The following YTHDF3 variants were observed in gnomAD, a reference collection of about 807,000 sequenced individuals.
YTHDF3 encodes the protein YTH N6-methyladenosine RNA binding protein F3.
YTHDF3 carries 9 observed loss-of-function variants against 52.5 expected under a neutral mutation model. That is an observed-to-expected ratio of 0.17 (90% CI 0.10 to 0.30). The LOEUF is 0.30. Among genes scored for constraint, YTHDF3 ranks in the 10% least tolerant of loss-of-function variants. The probability of loss-of-function intolerance (pLI) is 1.00; values close to 1 mark genes in which losing one functional copy is unlikely to be tolerated. For synonymous variants in YTHDF3, 274 were observed against 243.3 expected, an observed-to-expected ratio of 1.13 and a Z score of -1.18; for missense variants, 534 against 715.0, an observed-to-expected ratio of 0.75 and a Z score of 2.89.
At position 63,211,320 on chromosome 8, in the gene YTHDF3, C is replaced by G. The variant is rs1810359376; in HGVS notation, c.*1614C>G. The G allele has an allele frequency of 6.6e-6, 1 of 152,278 alleles. No homozygotes were observed. The highest frequency in any genetic ancestry group is 2.4e-5 in the African/African-American group (1 of 41,368). The allele number at this position is 152,278 out of a possible 1,614,324, so 9.4% of individuals were successfully genotyped here. ...TATCAGTGTTTACTGAAGGGAACAT[C>G]AAAATATTAATGGTATATTATAAAA... On this transcript the variant is annotated 3_prime_UTR_variant, in exon 5 of 5. Coordinates refer to ENST00000539294, the MANE Select transcript of YTHDF3 (RefSeq NM_152758.6).
chr8:63,196,962 A>C (rs1809280826), intron 4 of YTHDF3, among the ~76,000 whole-genome samples: 1 of 152,190 alleles, frequency 6.6e-6, no homozygotes, highest in Non-Finnish European at 1.5e-5. Context: ...CCCTATGTGC[A>C]TTTTATGTCA....
chr8:63,171,794 C>T (rs1380508225), intron 2 of YTHDF3, among the ~76,000 whole-genome samples: 1 of 152,092 alleles, frequency 6.6e-6, no homozygotes, highest in Admixed American at 6.5e-5. Context: ...ATAGTATGTC[C>T]TTGAGAAGTT....
At chr8:63,169,028 C>G in intron 1 of YTHDF3, 127 bp downstream of exon 1, 1 of 1,460,334 alleles carries the variant, frequency 6.8e-7, no homozygotes, top group South Asian at 1.4e-5. Flanking sequence ...GCGCAAGTTG[C>G]TGCGGTGTAG....
At chr8:63,174,745 GAAT>G (rs1357569938) in intron 2 of YTHDF3, among the ~76,000 whole-genome samples, 1 of 152,168 alleles carries the variant, frequency 6.6e-6, no homozygotes, top group Non-Finnish European at 1.5e-5. Context: ...GGGGGGCTTA[GAAT>G]TAAAGCCCTC....
intron 4 of YTHDF3, among the ~76,000 whole-genome samples, chr8:63,200,873 A>G (rs959399372): frequency 6.6e-6 from 1 of 152,222 alleles, no homozygotes; most frequent in Admixed American, 6.5e-5. Context: ...CAAGACAGGC[A>G]TTCAGAGCCT....
chr8:63,189,164 C>A (rs1158886051), intron 4 of YTHDF3: 1 of 152,046 alleles, frequency 6.6e-6, no homozygotes, highest in Non-Finnish European at 1.5e-5. Context: ...ATAAAACATG[C>A]TGTTTATCCT....
intron 1 of YTHDF3, 119 bp from the exon 2 acceptor site, chr8:63,169,268 G>A (rs1042551235): frequency 7.2e-7 from 1 of 1,397,440 alleles, no homozygotes; most frequent in South Asian, 1.3e-5. Flanking sequence ...GATATGGTGG[G>A]TTTTTACTCC....
intron 4 of YTHDF3, among the ~76,000 whole-genome samples, chr8:63,209,215 G>GA (rs1381343350): frequency 3.3e-5 from 5 of 152,138 alleles, no homozygotes; most frequent in South Asian, 2.1e-4. Flanking sequence ...TGCTGAAAGA[G>GA]AGAGTGTAAG....
intron 2 of YTHDF3, among the ~76,000 whole-genome samples, chr8:63,174,790 T>G (rs1205243110): frequency 6.6e-6 from 1 of 152,204 alleles, no homozygotes; most frequent in African/African-American, 2.4e-5. Flanking sequence ...TATAAGTCTA[T>G]TCATTGTGAT....
intron 2 of YTHDF3, among the ~76,000 whole-genome samples, chr8:63,173,174 A>G (rs1807439402): frequency 7.0e-6 from 1 of 143,064 alleles, no homozygotes; most frequent in Non-Finnish European, 1.5e-5. Context: ...ATAATAGAAC[A>G]AAAAAAATAA....
intron 2 of YTHDF3, among the ~76,000 whole-genome samples, chr8:63,173,360 C>G (rs1241909322): frequency 2.0e-5 from 3 of 151,402 alleles, no homozygotes; most frequent in African/African-American, 7.3e-5. Flanking sequence ...CCTCCTTAGA[C>G]TCCTGAGTAA....
chr8:63,191,552 A>T (rs1056297092), intron 4 of YTHDF3, among the ~76,000 whole-genome samples: 1 of 152,136 alleles, frequency 6.6e-6, no homozygotes, highest in African/African-American at 2.4e-5. Flanking sequence ...TTTAAAACTT[A>T]TGTCTGCTTT....
At chr8:63,200,070 A>T (rs552537750) in intron 4 of YTHDF3, among the ~76,000 whole-genome samples, 14 of 152,352 alleles carry the variant, frequency 9.2e-5, no homozygotes, top group Non-Finnish European at 1.8e-4. Context: ...ACAAGGCTAC[A>T]GTCAAGGCAG....
Position 63,187,267 on chromosome 8 carries a change from T to G in YTHDF3, c.1256T>G (p.Phe419Cys). 1 of 1,614,048 alleles carries G rather than the reference T, an allele frequency of 6.2e-7. No individual in the cohort carries two copies. The highest frequency in any genetic ancestry group is 8.5e-7 in the Non-Finnish European group (1 of 1,179,904). ...FDWNLKNGRVFIIKSYSEDDI... is the reference protein window; with the variant it reads ...FDWNLKNGRVCIIKSYSEDDI... ...TGGAATCTGAAGAATGGACGTGTGT[T>G]TATAATTAAAAGCTACTCTGAGGAT... The change falls in exon 4 of 5, where the codon TTT becomes TGT. Residue 419 changes from phenylalanine (F) to cysteine (C), a missense_variant. This residue lies in a region of YTHDF3 where 135 missense variants were observed against 214.2 expected (regional missense o/e 0.63). Transcript: ENST00000539294.
chr8:63,208,398 T>G (rs1248320136), intron 4 of YTHDF3, among the ~76,000 whole-genome samples: 1 of 152,208 alleles, frequency 6.6e-6, no homozygotes, highest in Non-Finnish European at 1.5e-5. Context: ...CAGAACATGT[T>G]TTACTCATGC....
rs1254402451 is a variant in YTHDF3 at position 63,175,367 on chromosome 8, C to G, written c.86C>G (p.Ala29Gly). 4 of 1,611,170 alleles carry G rather than the reference C, an allele frequency of 2.5e-6. No homozygotes were observed. The highest frequency in any genetic ancestry group is 3.4e-6 in the Non-Finnish European group (4 of 1,178,450). ...VQNGSIHQKDAVNDDDFEPYL... is the reference protein window; with the variant it reads ...VQNGSIHQKDGVNDDDFEPYL... ...AACGGTTCGATTCATCAAAAAGATG[C>G]TGTAAATGATGATGATTTTGAGCCA... The change falls in exon 3 of 5, where the codon GCT (alanine) becomes GGT (glycine). Residue 29 changes from alanine (A) to glycine (G), a missense_variant. Physicochemically the swap from Ala to Gly is moderately conservative, Grantham distance 60. Coordinates refer to ENST00000539294, the MANE Select transcript of YTHDF3 (RefSeq NM_152758.6).
At chr8:63,206,991 T>C (rs904371694) in intron 4 of YTHDF3, among the ~76,000 whole-genome samples, 1 of 152,226 alleles carries the variant, frequency 6.6e-6, no homozygotes. Flanking sequence ...ATGTACCTTG[T>C]AATTATTTGT....
At position 63,184,042 on chromosome 8, in the gene YTHDF3, A is replaced by G. The variant is rs916016318; in HGVS notation, c.136-2105A>G. ...TGTTTAGGGAATAATGACAAAAAAA[A>G]CTGTGTACATGTTCAATACAGATGC... On this transcript the variant is annotated intron_variant, in intron 3 of 4. Coordinates refer to ENST00000539294, the MANE Select transcript of YTHDF3 (RefSeq NM_152758.6). Among the ~76,000 whole-genome samples the G allele has an allele frequency of 2.6e-5, 4 of 152,344 alleles. No homozygotes were observed. In the South Asian group the frequency reaches 8.3e-4, roughly 32 times the overall value.
intron 2 of YTHDF3, among the ~76,000 whole-genome samples, chr8:63,172,487 G>GA (rs1371922290): frequency 1.3e-5 from 2 of 152,084 alleles, no homozygotes; most frequent in Admixed American, 6.6e-5. Context: ...AAAAGTAGTG[G>GA]AAAATGCCTT....
Sources: allele counts gnomAD v4.1 joint callset (sites outside exome capture counted in the v4.1 genomes callset), GRCh38; gene constraint gnomAD v4.1.1; regional missense constraint gnomAD v4.1.1; transcripts MANE v1.5; gene names NCBI Gene and HGNC (gene_info 2026-07-23, HGNC 2026-07-21).